UNC5B: variants seen among roughly 807,000 people sequenced by gnomAD.
UNC5B encodes unc-5 netrin receptor B.
In UNC5B, 56 loss-of-function variants were observed where a neutral mutation model predicts 103.7. The ratio of observed to expected loss-of-function variants is 0.54; its 90% CI spans 0.44 to 0.67. The LOEUF (loss-of-function observed/expected upper bound fraction) is 0.67. UNC5B is among the 30% of genes least tolerant of loss of function. UNC5B has a pLI of 0.00. For synonymous variants in UNC5B, 577 were observed against 542.0 expected, an observed-to-expected ratio of 1.06 and a Z score of -0.90; for missense variants, 1,194 against 1,284.5, an observed-to-expected ratio of 0.93 and a Z score of 1.08.
rs1276379299 is a variant in UNC5B, at chr10:71,301,293, C to G, written c.*2016C>G. ...GCCATGGACTCAGTAGCTCGTGGGG[C>G]TTCTTACCACCCACCAGCCCCGCTG... On this transcript the variant is annotated 3_prime_UTR_variant, in exon 17 of 17. Coordinates refer to ENST00000335350, the MANE Select transcript of UNC5B (RefSeq NM_170744.5). 6.6e-6 allele frequency: 1 copy of G among 152,202 alleles called. No individual in the cohort carries two copies. Among genetic ancestry groups the G allele is most frequent in the Non-Finnish European group, 1.5e-5 (1 of 68,048 alleles). 9.4% of individuals were successfully genotyped at this position (152,202 alleles called of 1,614,324 possible).
At chr10:71,224,717 A>G (rs369835431) in intron 1 of UNC5B, among the ~76,000 whole-genome samples, 4 of 152,206 alleles carry the variant, frequency 2.6e-5, no homozygotes, top group Admixed American at 6.5e-5. Flanking sequence ...GGAAATGGGC[A>G]TGGTCAGTGA....
Position 71,299,093 on chromosome 10 carries a change from C to G in UNC5B, c.2673-19C>G, listed in dbSNP as rs779811198. 2.5e-6 allele frequency: 4 copies of G among 1,613,498 alleles called. No individual in the cohort carries two copies. The highest frequency in any genetic ancestry group is 3.3e-5 in the Admixed American group (2 of 59,988). On this transcript the variant is annotated intron_variant, in intron 16 of 16. Coordinates refer to ENST00000335350, the MANE Select transcript of UNC5B (RefSeq NM_170744.5). ...GGCTAAGTGCTTGGGAACCTCAGTG[C>G]CCTCCTTCCCTCTGCCAGGTACCTG...
At chr10:71,271,629 G>A (rs1844647487) in intron 1 of UNC5B, among the ~76,000 whole-genome samples, 1 of 152,202 alleles carries the variant, frequency 6.6e-6, no homozygotes, top group Non-Finnish European at 1.5e-5. Flanking sequence ...TGTAAGCAGC[G>A]TGGCCCCCAT....
At position 71,286,940 on chromosome 10, in the gene UNC5B, G is replaced by C. The variant is rs555796396; in HGVS notation, c.733+71G>C. On this transcript the variant is annotated intron_variant, in intron 5 of 16. Transcript: ENST00000335350. ...GAGGAGAGAGCCTGGGGGTAGGGGG[G>C]ACCCCTGGATTGGTAGGGAGGATGC... is the stretch of plus-strand genomic sequence containing the variant. The C allele has an allele frequency of 2.1e-5, 33 of 1,566,522 alleles. No individual in the cohort carries two copies. In the East Asian group the frequency reaches 4.9e-4, roughly 23 times the overall value.
At chr10:71,234,780 T>A (rs746925682) in intron 1 of UNC5B, among the ~76,000 whole-genome samples, 13 of 152,158 alleles carry the variant, frequency 8.5e-5, no homozygotes, top group Admixed American at 2.6e-4. Flanking sequence ...GGCTGCTGGG[T>A]CTGGGGGCCC....
chr10:71,271,921 C>T (rs1421593819), intron 1 of UNC5B, among the ~76,000 whole-genome samples: 4 of 152,148 alleles, frequency 2.6e-5, no homozygotes, highest in African/African-American at 7.2e-5. Context: ...TGGCGTCCCC[C>T]GAGCCCGCCA....
chr10:71,269,349 C>CCCA (rs1391082154), intron 1 of UNC5B, among the ~76,000 whole-genome samples: 18 of 142,720 alleles, frequency 1.3e-4, no homozygotes, highest in East Asian at 2.1e-4. Flanking sequence ...GAAGTCCCCC[C>CCCA]CCCACAACTT....
chr10:71,268,211 G>A (rs1333254716), intron 1 of UNC5B, among the ~76,000 whole-genome samples: 1 of 152,204 alleles, frequency 6.6e-6, no homozygotes, highest in East Asian at 1.9e-4. Flanking sequence ...GCTCTCAGGG[G>A]CTCTTTCTCC....
chr10:71,224,364 GACACACACACAC>G lies in UNC5B; in HGVS notation c.79+11341_79+11352del, dbSNP rs58378731. Among the ~76,000 whole-genome samples the G allele has an allele frequency of 1.2e-3, 119 of 97,350 alleles. 1 individual carries two copies. Among genetic ancestry groups the G allele is most frequent in the South Asian group, 3.8e-3 (10 of 2,648 alleles). The allele number at this position is 97,350 out of a possible 152,430, so 63.9% of individuals were successfully genotyped here. ...CTGGTCCATCCCACTTCTGTATGTA[GACACACACACAC>G]ACACACACACACACACACACACACA... On this transcript the variant is annotated intron_variant, in intron 1 of 16. Coordinates refer to ENST00000335350, the MANE Select transcript of UNC5B (RefSeq NM_170744.5).
At chr10:71,272,225 A>C (rs1844663323) in intron 1 of UNC5B, among the ~76,000 whole-genome samples, 1 of 152,112 alleles carries the variant, frequency 6.6e-6, no homozygotes, top group African/African-American at 2.4e-5. Context: ...CTAGAGAAAG[A>C]CTGTGATTGC....
intron 8 of UNC5B, among the ~76,000 whole-genome samples, chr10:71,289,548 C>G (rs1845191453): frequency 6.6e-6 from 1 of 152,232 alleles, no homozygotes; most frequent in Non-Finnish European, 1.5e-5. Flanking sequence ...ATCAGAGCAG[C>G]AAAGCCACTT....
intron 9 of UNC5B, 25 bp downstream of exon 9, chr10:71,291,134 T>C (rs1282468503): frequency 3.7e-6 from 6 of 1,600,028 alleles, no homozygotes; most frequent in South Asian, 2.2e-5. Flanking sequence ...ATGTCTGGGG[T>C]GGTTGGCAGA....
intron 1 of UNC5B, among the ~76,000 whole-genome samples, chr10:71,236,920 A>G (rs539156199): frequency 3.1e-4 from 47 of 152,254 alleles, no homozygotes; most frequent in Non-Finnish European, 6.2e-4. Flanking sequence ...GAATGAGAGA[A>G]GATGCATGCC....
At chr10:71,249,451 C>A (rs1844123948) in intron 1 of UNC5B, among the ~76,000 whole-genome samples, 1 of 152,186 alleles carries the variant, frequency 6.6e-6, no homozygotes, top group Non-Finnish European at 1.5e-5. Context: ...AGAGTGATAA[C>A]CCTATGTGTG....
intron 8 of UNC5B, among the ~76,000 whole-genome samples, chr10:71,290,395 C>T (rs1340516619): frequency 1.3e-5 from 2 of 152,200 alleles, no homozygotes; most frequent in Non-Finnish European, 1.5e-5. Context: ...CATCTCATTC[C>T]ACTTCTTCAG....
rs200975129 is a variant in UNC5B, at chr10:71,299,934, G to A, written c.*657G>A. The A allele has an allele frequency of 6.9e-6, 1 of 145,404 alleles. No individual in the cohort carries two copies. Among genetic ancestry groups the A allele is most frequent in the Admixed American group, 6.8e-5 (1 of 14,716 alleles). The allele number at this position is 145,404 out of a possible 1,614,324, so 9.0% of individuals were successfully genotyped here. ...ATAAGTCCTTTTTAAGAAAAAAAAAGAAAATGAAAAACAACACAAAAAAAA... is the reference window on the plus strand; with the variant it reads ...ATAAGTCCTTTTTAAGAAAAAAAAAAAAAATGAAAAACAACACAAAAAAAA... On this transcript the variant is annotated 3_prime_UTR_variant, in exon 17 of 17. Transcript: ENST00000335350.
intron 13 of UNC5B, among the ~76,000 whole-genome samples, chr10:71,295,190 T>G (rs1845375332): frequency 6.6e-6 from 1 of 152,208 alleles, no homozygotes; most frequent in South Asian, 2.1e-4. Flanking sequence ...GGCCCTGTGA[T>G]GGGTGCAAGG....
chr10:71,292,896 C>T (rs928678973), intron 11 of UNC5B, among the ~76,000 whole-genome samples: 1 of 152,154 alleles, frequency 6.6e-6, no homozygotes, highest in Admixed American at 6.5e-5. Flanking sequence ...ACACACTGGC[C>T]AGTAGGTTAT....
At chr10:71,227,654 A>G (rs1195094402) in intron 1 of UNC5B, among the ~76,000 whole-genome samples, 1 of 138,824 alleles carries the variant, frequency 7.2e-6, no homozygotes, top group African/African-American at 3.1e-5. Flanking sequence ...ATACATATAT[A>G]TACATATATA....
Sources: gnomAD v4.1 joint callset for allele counts (sites outside exome capture counted in the v4.1 genomes callset) on GRCh38, gnomAD v4.1.1 for gene constraint, MANE v1.5 for transcripts, NCBI Gene and HGNC (gene_info 2026-07-23, HGNC 2026-07-21) for gene names.